LRP2: variants seen among roughly 807,000 people sequenced by gnomAD.
The protein encoded by LRP2 is LDL receptor related protein 2.
LRP2 carries 172 observed loss-of-function variants against 531.0 expected under a neutral mutation model. The observed-to-expected ratio is 0.32, with a 90% CI of 0.29 to 0.37. The LOEUF (loss-of-function observed/expected upper bound fraction) is 0.37. LRP2 is among the 10% of genes least tolerant of loss of function. The pLI, the probability that LRP2 is intolerant of heterozygous loss-of-function variation, is 1.00. For synonymous variants in LRP2, 1,992 were observed against 2,027.6 expected, an observed-to-expected ratio of 0.98 and a Z score of 0.47; for missense variants, 5,167 against 5,868.3, an observed-to-expected ratio of 0.88 and a Z score of 3.90.
rs553234191 is a variant in LRP2 at position 169,191,075 on chromosome 2, A to G, written c.9032+757T>C. 4.6e-5 allele frequency among the ~76,000 whole-genome samples: 7 copies of G among 152,320 alleles called. No individual in the cohort carries two copies. The South Asian group carries it at 1.5e-3, about 32-fold the overall frequency. On this transcript the variant is annotated intron_variant, in intron 48 of 78. Coordinates refer to ENST00000649046, the MANE Select transcript of LRP2 (RefSeq NM_004525.3). Reference sequence around the variant, plus strand: ...GTTTGATCCACACAGTGTTTTAAGAATTTTAAAATTTGTTTCCAGCATTTA... The same window carrying G: ...GTTTGATCCACACAGTGTTTTAAGAGTTTTAAAATTTGTTTCCAGCATTTA...
At chr2:169,248,284 T>C (rs1007540316) in intron 19 of LRP2, among the ~76,000 whole-genome samples, 1 of 152,188 alleles carries the variant, frequency 6.6e-6, no homozygotes, top group African/African-American at 2.4e-5. Context: ...TCAATGTGGA[T>C]TTTCTCTTTA....
At chr2:169,326,142 C>G (rs1007331422) in intron 1 of LRP2, among the ~76,000 whole-genome samples, 2 of 73,522 alleles carry the variant, frequency 2.7e-5, no homozygotes, top group African/African-American at 1.5e-4. Flanking sequence ...GCCTCTCCCT[C>G]TCCCTCTCCC....
chr2:169,361,338 CTGTCTCTCTCTG>C (rs1381593651), intron 1 of LRP2, among the ~76,000 whole-genome samples: 3,945 of 70,834 alleles, frequency 0.056, 218 homozygotes, highest in East Asian at 0.22. Context: ...CTGTCTCTCT[CTGTCTCTCTCTG>C]TCTCTCTCTC....
chr2:169,207,352 G>A lies in LRP2; in HGVS notation c.6470-102C>T, dbSNP rs1574133857. The A allele has an allele frequency of 1.6e-4, 129 of 821,212 alleles. 1 individual carries two copies. The East Asian group carries it at 3.4e-3, about 21-fold the overall frequency. The allele number at this position is 821,212 out of a possible 1,614,324, so 50.9% of individuals were successfully genotyped here. The stretch of plus-strand genomic sequence containing the variant: ...ACAAAATATATAAGGTTGAAGTCTG[G>A]GTCACTATATGTTGTCTTTTCCAAG... On this transcript the variant is annotated intron_variant, in intron 38 of 78. Coordinates refer to ENST00000649046, the MANE Select transcript of LRP2 (RefSeq NM_004525.3).
At chr2:169,201,915 A>G in intron 43 of LRP2, 45 bp from the exon 44 acceptor site, 1 of 1,609,926 alleles carries the variant, frequency 6.2e-7, no homozygotes, top group Non-Finnish European at 8.5e-7. Context: ...TGATTAAAAC[A>G]TTATCCTAAT....
At chr2:169,164,054 A>G (rs1442557400) in intron 62 of LRP2, among the ~76,000 whole-genome samples, 1 of 152,226 alleles carries the variant, frequency 6.6e-6, no homozygotes, top group Non-Finnish European at 1.5e-5. Flanking sequence ...TGCTATTCAT[A>G]ATTCCACTGG....
intron 1 of LRP2, among the ~76,000 whole-genome samples, chr2:169,327,539 T>C (rs1397448278): frequency 5.8e-5 from 5 of 85,852 alleles, no homozygotes; most frequent in African/African-American, 1.4e-4. Context: ...GGAGGTGGGG[T>C]CAGCCCCCCG....
rs1037018059 is a variant in LRP2 at position 169,237,284 on chromosome 2, A to G, written c.4510T>C (p.Phe1504Leu). The change falls in exon 28 of 79, where the codon TTT becomes CTT. Residue 1504 changes from phenylalanine to leucine, a missense_variant. Phe to Leu is a conservative substitution (Grantham distance 22, BLOSUM62 0). This residue lies in a region of LRP2 where 2,811 missense variants were observed against 3,058.0 expected (regional missense o/e 0.92). Transcript: ENST00000649046. Reference sequence around the variant, plus strand: ...TCAGTCAAGATGATGCTACTGTCAAATACCTAAAGACAAAAGTGAATAAAG... The same window carrying G: ...TCAGTCAAGATGATGCTACTGTCAAGTACCTAAAGACAAAAGTGAATAAAG... ...FQNGTDRRVV[F>L]DSSIILTETI... The G allele has an allele frequency of 1.2e-6, 2 of 1,610,560 alleles. No individual in the cohort carries two copies. Among genetic ancestry groups the G allele is most frequent in the African/African-American group, 2.7e-5 (2 of 74,846 alleles).
At chr2:169,174,945 A>C (rs1459323872) in intron 55 of LRP2, among the ~76,000 whole-genome samples, 1 of 150,492 alleles carries the variant, frequency 6.6e-6, no homozygotes. Flanking sequence ...TGCCCAGCAC[A>C]TGGTGAAGAG....
At position 169,346,955 on chromosome 2, in the gene LRP2, T is replaced by C. The variant is rs3755165; in HGVS notation, c.79+15366A>G. On this transcript the variant is annotated intron_variant, in intron 1 of 78. Coordinates refer to ENST00000649046, the MANE Select transcript of LRP2 (RefSeq NM_004525.3). ...CTATCTTTGAGGCCTTCCTAATAGA[T>C]CACAGCTGAAATTCCCCATAAAGCC... Among the ~76,000 whole-genome samples, 13 of 152,290 alleles carry C rather than the reference T, an allele frequency of 8.5e-5. No individual in the cohort carries two copies. In the East Asian group the frequency reaches 1.9e-3, roughly 23 times the overall value.
At chr2:169,192,375 A>C (rs4331469) in intron 47 of LRP2, among the ~76,000 whole-genome samples, 52,802 of 151,910 alleles carry the variant, frequency 0.35, 10,374 homozygotes, top group East Asian at 0.54. Context: ...TATTTTGGTA[A>C]CTTTTTTTAG....
chr2:169,216,352 A>G lies in LRP2; in HGVS notation c.5727T>C (p.Ser1909=), dbSNP rs1479991707. Residue 1909 remains serine (S), a synonymous_variant, in exon 35 of 79, where the codon TCT becomes TCC. Transcript: ENST00000649046. ...GGTTCCCAGTAAAGAGAGTTTTCAC[A>G]GATGTGCCATCCATGTTAGCACTGG... ...KIASANMDGT[S]VKTLFTGNLE... is the part of the protein sequence containing the mutation. 3 of 1,613,606 alleles carry G rather than the reference A, an allele frequency of 1.9e-6. No individual in the cohort carries two copies. The highest frequency in any genetic ancestry group is 2.2e-5 in the South Asian group (2 of 91,078).
At chr2:169,149,035 T>G (rs1286204594) in intron 68 of LRP2, among the ~76,000 whole-genome samples, 1 of 152,232 alleles carries the variant, frequency 6.6e-6, no homozygotes, top group Admixed American at 6.5e-5. Flanking sequence ...ACAGTGTTTT[T>G]CAGCAGTGTC....
rs1290469768 is a variant in LRP2, at chr2:169,247,415, T to C, written c.2871A>G (p.Ile957Met). The change falls in exon 20 of 79, where the codon ATA becomes ATG. Residue 957 changes from isoleucine (I) to methionine (M), a missense_variant. Transcript: ENST00000649046. Reference protein sequence around the residue: ...MTVIRSGIAYILHLKSYDVNI... With the variant: ...MTVIRSGIAYMLHLKSYDVNI... ...TGACATCATACGATTTCAAATGCAGTATGTAAGCAATGCCACTTCGGATAA... is the reference window on the plus strand; with the variant it reads ...TGACATCATACGATTTCAAATGCAGCATGTAAGCAATGCCACTTCGGATAA... 2 of 1,614,172 alleles carry C rather than the reference T, an allele frequency of 1.2e-6. No individual in the cohort carries two copies. The highest frequency in any genetic ancestry group is 1.7e-5 in the Admixed American group (1 of 60,020).
At chr2:169,230,018 A>G (rs181118355) in intron 31 of LRP2, among the ~76,000 whole-genome samples, 2 of 151,302 alleles carry the variant, frequency 1.3e-5, no homozygotes, top group East Asian at 3.9e-4. Context: ...GTGCTCTGAA[A>G]CCTACTGGGA....
rs535595177 is a variant in LRP2, at chr2:169,257,201, T to C, written c.2562A>G (p.Ala854=). The stretch of plus-strand genomic sequence containing the variant: ...GCAAGAGGTGAGATCCGTCACTCCA[T>C]GCTCTCATAATTTTAGCAGGACGGA... ...DWFRPAKIMR[A]WSDGSHLLPV... Residue 854 remains alanine, a synonymous_variant, in exon 18 of 79, where the codon GCA becomes GCG. Transcript: ENST00000649046. The C allele has an allele frequency of 9.9e-6, 16 of 1,612,862 alleles. 1 individual carries two copies. The East Asian group carries it at 2.9e-4, about 29-fold the overall frequency.
rs1275079979 is a variant in LRP2, at chr2:169,177,926, C to T, written c.10270G>A (p.Asp3424Asn). Residue 3424 changes from aspartate to asparagine, a missense_variant, in exon 53 of 79, where the codon GAT becomes AAT. Physicochemically the swap from Asp to Asn is conservative, Grantham distance 23 (BLOSUM62 1). Transcript: ENST00000649046. ...TTTTCCACTGTCCTTGTATTCCAAT[C>T]TGTCCAATAAATAGTGTCTTCAAAA... is the stretch of plus-strand genomic sequence containing the variant. ...TIFEDTIYWT[D>N]WNTRTVEKGN... 3.1e-6 allele frequency: 5 copies of T among 1,614,078 alleles called. No individual in the cohort carries two copies. In the Admixed American group the frequency reaches 6.7e-5, roughly 22 times the overall value.
chr2:169,130,193 A>G (rs1248664882), intron 77 of LRP2, among the ~76,000 whole-genome samples: 2 of 152,212 alleles, frequency 1.3e-5, no homozygotes, highest in African/African-American at 2.4e-5. Flanking sequence ...TTAAGCAATT[A>G]CTAACAAGAG....
chr2:169,265,204 C>A (rs920081150), intron 16 of LRP2, among the ~76,000 whole-genome samples: 1 of 151,990 alleles, frequency 6.6e-6, no homozygotes, highest in Non-Finnish European at 1.5e-5. Flanking sequence ...ACCATCTCCC[C>A]ACATCTTCCC....
Sources: gnomAD v4.1 joint callset for allele counts (sites outside exome capture counted in the v4.1 genomes callset) on GRCh38, gnomAD v4.1.1 for gene constraint, gnomAD v4.1.1 regional missense constraint, MANE v1.5 for transcripts, NCBI Gene and HGNC (gene_info 2026-07-23, HGNC 2026-07-21) for gene names.